Variants in PLXDC2 observed in about 807,000 individuals in gnomAD.
The protein encoded by PLXDC2 is plexin domain-containing protein 2.
A neutral mutation model predicts 68.9 loss-of-function variants in PLXDC2; 40 were observed. That is an observed-to-expected ratio of 0.58 (90% CI 0.45 to 0.76). The LOEUF (loss-of-function observed/expected upper bound fraction) is 0.76. Ranked by LOEUF, PLXDC2 falls within the 30% of genes least tolerant of loss-of-function variation. The pLI is 0.00. For missense variants in PLXDC2, 644 were observed against 661.9 expected, an observed-to-expected ratio of 0.97 and a Z score of 0.30; for synonymous variants, 243 against 234.2, an observed-to-expected ratio of 1.04 and a Z score of -0.34.
intron 4 of PLXDC2, among the ~76,000 whole-genome samples, chr10:20,080,036 A>G (rs1469198353): frequency 1.3e-5 from 2 of 152,226 alleles, no homozygotes; most frequent in Non-Finnish European, 1.5e-5. Flanking sequence ...TCCTTAATAT[A>G]TAAAGAGCTC....
rs116389565 is a variant in PLXDC2 at position 19,845,362 on chromosome 10, G to T, written c.112+28171G>T. 3.7e-3 allele frequency among the ~76,000 whole-genome samples: 558 copies of T among 152,274 alleles called. 3 individuals are homozygous for T. Among genetic ancestry groups the T allele is most frequent in the African/African-American group, 0.013 (521 of 41,554 alleles). ...AGAGAGTAAGGGTAATTTATCGCAA[G>T]CAGGAGGGGAAGTGTCACGTTAAGC... On this transcript the variant is annotated intron_variant, in intron 1 of 13. Coordinates refer to ENST00000377252, the MANE Select transcript of PLXDC2 (RefSeq NM_032812.9).
At chr10:20,041,748 G>C (rs73603693) in intron 2 of PLXDC2, among the ~76,000 whole-genome samples, 2 of 151,986 alleles carry the variant, frequency 1.3e-5, no homozygotes, top group Non-Finnish European at 1.5e-5. Context: ...CTGGCAGGTA[G>C]AGGTCTCAAA....
intron 1 of PLXDC2, among the ~76,000 whole-genome samples, chr10:19,852,738 G>A (rs11011646): frequency 0.67 from 101,241 of 152,044 alleles, 35,422 homozygotes; most frequent in African/African-American, 0.9. Flanking sequence ...TAAAAAATCT[G>A]TGTTTTTATG....
intron 1 of PLXDC2, among the ~76,000 whole-genome samples, chr10:19,820,152 A>G (rs1165569240): frequency 6.6e-6 from 1 of 152,242 alleles, no homozygotes; most frequent in Non-Finnish European, 1.5e-5. Context: ...GTTGTTGTTC[A>G]TGGATGTCTG....
intron 1 of PLXDC2, among the ~76,000 whole-genome samples, chr10:19,981,025 A>G (rs1834541993): frequency 6.6e-6 from 1 of 152,192 alleles, no homozygotes; most frequent in South Asian, 2.1e-4. Flanking sequence ...ATTGGTGCTT[A>G]ATGATTTTTG....
intron 11 of PLXDC2, 84 bp downstream of exon 11, chr10:20,217,660 A>G: frequency 7.3e-7 from 1 of 1,373,908 alleles, no homozygotes; most frequent in Non-Finnish European, 9.4e-7. Flanking sequence ...GTTGACATGT[A>G]CTGGAATAGC....
chr10:20,069,976 A>G (rs537319852), intron 4 of PLXDC2, among the ~76,000 whole-genome samples: 1 of 152,318 alleles, frequency 6.6e-6, no homozygotes, highest in South Asian at 2.1e-4. Context: ...GTTTTTCTTG[A>G]GGATGTCAGA....
At chr10:19,989,967 C>T (rs1264026005) in intron 1 of PLXDC2, among the ~76,000 whole-genome samples, 3 of 152,018 alleles carry the variant, frequency 2.0e-5, no homozygotes, top group Non-Finnish European at 2.9e-5. Context: ...ACAGGCTGTT[C>T]TCAAACTCCT....
At chr10:20,059,368 T>C (rs901690107) in intron 3 of PLXDC2, among the ~76,000 whole-genome samples, 2 of 152,204 alleles carry the variant, frequency 1.3e-5, no homozygotes, top group African/African-American at 2.4e-5. Flanking sequence ...TGTAGTCATG[T>C]GTTTGCTGGG....
intron 3 of PLXDC2, among the ~76,000 whole-genome samples, chr10:20,058,605 C>T (rs1049883779): frequency 3.3e-5 from 5 of 152,202 alleles, no homozygotes; most frequent in Admixed American, 3.3e-4. Context: ...AGTCATTTTC[C>T]ACTGAATGGA....
At chr10:20,012,307 T>C (rs1564656369) in intron 2 of PLXDC2, among the ~76,000 whole-genome samples, 1 of 11,268 alleles carries the variant, frequency 8.9e-5, no homozygotes, top group Non-Finnish European at 3.1e-4. Context: ...CTCTCTCTTT[T>C]TTATTTTTTT....
intron 2 of PLXDC2, among the ~76,000 whole-genome samples, chr10:20,034,777 A>C (rs1003187560): frequency 3.3e-5 from 5 of 152,214 alleles, no homozygotes; most frequent in African/African-American, 1.2e-4. Context: ...CTTTTCTGTT[A>C]AGATACACAA....
intron 3 of PLXDC2, among the ~76,000 whole-genome samples, chr10:20,059,660 A>G (rs900663418): frequency 7.2e-5 from 11 of 152,128 alleles, no homozygotes. Flanking sequence ...TTGTGTATTG[A>G]TCAGCCCCTT....
At chr10:20,040,039 T>C (rs113827602) in intron 2 of PLXDC2, among the ~76,000 whole-genome samples, 2,699 of 152,298 alleles carry the variant, frequency 0.018, 76 homozygotes, top group African/African-American at 0.061. Flanking sequence ...AGCTGAGTTC[T>C]CGGCCATGGT....
intron 3 of PLXDC2, among the ~76,000 whole-genome samples, chr10:20,064,134 T>C (rs2131702205): frequency 6.6e-6 from 1 of 152,020 alleles, no homozygotes; most frequent in East Asian, 1.9e-4. Context: ...TTTTCTTTCA[T>C]GTTAAATATT....
chr10:19,897,320 A>G (rs1589525233), intron 1 of PLXDC2, among the ~76,000 whole-genome samples: 1 of 150,824 alleles, frequency 6.6e-6, no homozygotes, highest in East Asian at 2.0e-4. Context: ...GCTCACCGCA[A>G]CCTCCGCCTC....
chr10:20,044,205 CTCTCTGTCTTTCTTTCTTTCTTTCTT>C (rs1416769106), intron 2 of PLXDC2, among the ~76,000 whole-genome samples: 14 of 105,068 alleles, frequency 1.3e-4, no homozygotes, highest in South Asian at 7.3e-4. Flanking sequence ...CTCTCTCTCT[CTCTCTGTCTTTCTTTCTTTCTTTCTT>C]TCTTTCTTTC....
intron 1 of PLXDC2, among the ~76,000 whole-genome samples, chr10:19,824,710 G>C (rs1836539552): frequency 6.6e-6 from 1 of 152,160 alleles, no homozygotes; most frequent in Admixed American, 6.5e-5. Context: ...ACTATTTATT[G>C]TGTTATACAT....
chr10:19,921,301 A>C (rs1417743335), intron 1 of PLXDC2, among the ~76,000 whole-genome samples: 1 of 152,158 alleles, frequency 6.6e-6, no homozygotes, highest in Non-Finnish European at 1.5e-5. Context: ...AATTTGAGAA[A>C]GTATGTTCAC....
Sources: gnomAD v4.1 joint callset for allele counts (sites outside exome capture counted in the v4.1 genomes callset) on GRCh38, gnomAD v4.1.1 for gene constraint, MANE v1.5 for transcripts, NCBI Gene and HGNC (gene_info 2026-07-23, HGNC 2026-07-21) for gene names.